Variants in PDE4C observed in about 807,000 individuals in gnomAD.
PDE4C encodes 3',5'-cyclic-AMP phosphodiesterase 4C.
PDE4C carries 50 observed loss-of-function variants against 63.9 expected under a neutral mutation model. That is an observed-to-expected ratio of 0.78 (90% CI 0.62 to 0.99). The LOEUF (loss-of-function observed/expected upper bound fraction) is 0.99. PDE4C is among the 50% of genes least tolerant of loss of function. PDE4C has a pLI of 0.00. For missense variants in PDE4C, 777 were observed against 899.1 expected (o/e 0.86, Z 1.74); for synonymous variants, 377 against 385.1 (o/e 0.98, Z 0.25).
chr19:18,226,042 TGGAGACAGAC>T (rs1327833606), intron 1 of PDE4C, among the ~76,000 whole-genome samples: 5 of 151,766 alleles, frequency 3.3e-5, no homozygotes, highest in African/African-American at 7.3e-5. Context: ...AGGCGGCGGG[TGGAGACAGAC>T]GGAGACAGAG....
Position 18,218,345 on chromosome 19 carries a change from G to C in PDE4C, c.1123C>G (p.Pro375Ala), listed in dbSNP as rs771752706. The change falls in exon 10 of 15, where the codon CCC (proline) becomes GCC (alanine). Residue 375 changes from proline (P) to alanine (A), a missense_variant. Around this residue, in one of 3 missense-constraint regions of PDE4C, gnomAD observed 500 missense variants for 597.8 expected, o/e 0.84. Transcript: ENST00000262805. Reference sequence around the variant, plus strand: ...TCATGGCGCAGTACCTCGAGGGCGGGCGTAGCCAGCAGCACATGCGTGGAC... The same window carrying C: ...TCATGGCGCAGTACCTCGAGGGCGGCCGTAGCCAGCAGCACATGCGTGGAC... 2.5e-6 allele frequency: 4 copies of C among 1,614,226 alleles called. No individual in the cohort carries two copies. The East Asian group carries it at 8.9e-5, about 36-fold the overall frequency.
At chr19:18,233,453 G>C (rs780075783) in exon 1 of PDE4C, 1 of 623,068 alleles carries the variant, frequency 1.6e-6, no homozygotes, top group Middle Eastern at 2.4e-4. Context: ...TGAAGCTAGG[G>C]GCTGAAGAGA....
At chr19:18,233,274 C>G (rs1472483553) in exon 1 of PDE4C, 1 of 1,530,006 alleles carries the variant, frequency 6.5e-7, no homozygotes, top group Admixed American at 2.0e-5. Flanking sequence ...CTCCCGGGTC[C>G]GGCCCAGGGC....
intron 12 of PDE4C, among the ~76,000 whole-genome samples, chr19:18,214,985 G>A (rs966512141): frequency 2.0e-5 from 3 of 151,410 alleles, no homozygotes; most frequent in African/African-American, 7.3e-5. Flanking sequence ...CCACCCATGT[G>A]GACTCAGCCC....
At chr19:18,243,605 G>A (rs139078704) in intron 1 of PDE4C, among the ~76,000 whole-genome samples, 4,558 of 152,260 alleles carry the variant, frequency 0.03, 130 homozygotes, top group Non-Finnish European at 0.042. Context: ...TTTGGATCTG[G>A]AATTATGGGG....
chr19:18,232,388 TGTGTGTGTGTGTGTGTGTGTGC>T lies in PDE4C; in HGVS notation c.242+540_242+561del, dbSNP rs1169965982. 1.8e-3 allele frequency among the ~76,000 whole-genome samples: 265 copies of T among 148,586 alleles called. 2 individuals are homozygous for T. The highest frequency in any genetic ancestry group is 6.3e-3 in the African/African-American group (254 of 40,336). ...AAAAATAAAAACGTGTGTGTGTGTG[TGTGTGTGTGTGTGTGTGTGTGC>T]GTGTGTGTGTGTATTTATATCCAAG... On this transcript the variant is annotated intron_variant, in intron 1 of 14. Transcript: ENST00000594465.
chr19:18,219,576 T>A, intron 7 of PDE4C, 179 bp from the exon 8 acceptor site: 1 of 657,340 alleles, frequency 1.5e-6, no homozygotes, highest in Non-Finnish European at 2.5e-6. Flanking sequence ...GTAATCCCAG[T>A]GCTTTGGGAG....
chr19:18,243,508 T>G (rs200595783), intron 1 of PDE4C, among the ~76,000 whole-genome samples: 9 of 151,972 alleles, frequency 5.9e-5, no homozygotes, highest in African/African-American at 1.7e-4. Context: ...TGGGGAAAAT[T>G]GGGGGAAGCA....
At chr19:18,216,712 T>G in intron 12 of PDE4C, 29 bp downstream of exon 12, 2 of 1,119,898 alleles carry the variant, frequency 1.8e-6, no homozygotes. Flanking sequence ...CCTCTGCCCC[T>G]CCCGCCCCGC....
At chr19:18,234,902 C>G (rs557172758), upstream of PDE4C, among the ~76,000 whole-genome samples, 5 of 152,072 alleles carry the variant, frequency 3.3e-5, no homozygotes, top group East Asian at 9.7e-4. Context: ...CTGTTCTCCA[C>G]CCCCCCACCA....
chr19:18,213,650 G>A (rs550397756), intron 12 of PDE4C, among the ~76,000 whole-genome samples, 160 bp from the exon 13 acceptor site: 2 of 152,218 alleles, frequency 1.3e-5, no homozygotes, highest in Non-Finnish European at 2.9e-5. Context: ...TGCAAACTCT[G>A]CTCAAAAGAG....
At chr19:18,222,186 T>A in exon 2 of PDE4C, 1 of 1,614,112 alleles carries the variant, frequency 6.2e-7, no homozygotes, top group Non-Finnish European at 8.5e-7. Flanking sequence ...GAGTTCATAG[T>A]CGCTATCTGA....
At chr19:18,219,680 C>T (rs527775493) in intron 7 of PDE4C, 18 of 343,408 alleles carry the variant, frequency 5.2e-5, no homozygotes, top group East Asian at 2.8e-4. Flanking sequence ...AAAAATTAGT[C>T]ACGTATGGTG....
At chr19:18,252,856 C>G (rs1389671158), upstream of PDE4C, among the ~76,000 whole-genome samples, 1 of 152,196 alleles carries the variant, frequency 6.6e-6, no homozygotes, top group Non-Finnish European at 1.5e-5. Flanking sequence ...ATCCACCTGC[C>G]TTGGCCTCCC....
intron 2 of PDE4C, among the ~76,000 whole-genome samples, chr19:18,221,877 C>T (rs546322151): frequency 2.0e-5 from 3 of 152,280 alleles, no homozygotes; most frequent in African/African-American, 7.2e-5. Context: ...CCGCCCACCT[C>T]GGCCTCCCAA....
the PDE4C span, among the ~76,000 whole-genome samples, chr19:18,253,881 C>T: frequency 6.6e-6 from 1 of 152,202 alleles, no homozygotes; most frequent in Non-Finnish European, 1.5e-5. Flanking sequence ...GTGACTGGGC[C>T]TCTTAGGCAC....
upstream of PDE4C, among the ~76,000 whole-genome samples, chr19:18,248,714 G>A (rs12461581): frequency 0.39 from 59,701 of 151,734 alleles, 11,850 homozygotes; most frequent in East Asian, 0.49. Flanking sequence ...GTGCCGCCCC[G>A]GGTAGATCAA....
At chr19:18,212,592 G>A (rs1968004856) in intron 13 of PDE4C, among the ~76,000 whole-genome samples, 1 of 150,936 alleles carries the variant, frequency 6.6e-6, no homozygotes, top group African/African-American at 2.4e-5. Flanking sequence ...CTCACACCTT[G>A]GCCTCCCAAA....
chr19:18,226,568 G>A (rs1404455521), upstream of PDE4C: 18 of 451,650 alleles, frequency 4.0e-5, no homozygotes, highest in Non-Finnish European at 6.7e-5. Context: ...GACAAACGGG[G>A]AAACTGAGGC....
Sources: allele counts gnomAD v4.1 joint callset (sites outside exome capture counted in the v4.1 genomes callset), GRCh38; gene constraint gnomAD v4.1.1; regional missense constraint gnomAD v4.1.1; transcripts MANE v1.5; gene names NCBI Gene and HGNC (gene_info 2026-07-23, HGNC 2026-07-21).